Variants in GRHL3 observed in about 807,000 individuals in gnomAD.
The protein encoded by GRHL3 is grainyhead like transcription factor 3.
In GRHL3, 20 loss-of-function variants were observed where a neutral mutation model predicts 70.3. The ratio of observed to expected loss-of-function variants is 0.28; its 90% CI spans 0.20 to 0.41. The LOEUF (loss-of-function observed/expected upper bound fraction) is 0.41, where lower values mean the gene tolerates loss of function less well. GRHL3 is among the 10% of genes least tolerant of loss of function. The pLI is 1.00. For missense variants in GRHL3, 637 were observed against 762.3 expected (o/e 0.84, Z 1.94); for synonymous variants, 299 against 299.9 (o/e 1.00, Z 0.03).
downstream of GRHL3, chr1:24,358,436 G>C (rs747205320): frequency 1.0e-6 from 1 of 952,518 alleles, no homozygotes; most frequent in Non-Finnish European, 1.7e-6. Context: ...CACCCCCCAA[G>C]TTGTCAGCTG....
At position 24,334,642 on chromosome 1, in the gene GRHL3, C is replaced by A. The variant is rs200425622; in HGVS notation, c.205-3C>A. On this transcript the variant is annotated splice_region_variant and splice_polypyrimidine_tract_variant and intron_variant, in intron 2 of 15. Transcript: ENST00000361548. This position sits in a 1 kb window ranked among gnomAD's most constrained non-coding sequence, Gnocchi z 4.3. ...CATAAATCCTTCCTTTCTCTCTTCT[C>A]AGGGTCCCAAGGAGAAGCGGATATT... 3.0e-4 allele frequency: 481 copies of A among 1,609,916 alleles called. No homozygotes were observed. The highest frequency in any genetic ancestry group is 2.6e-3 in the Middle Eastern group (16 of 6,062).
chr1:24,322,602 G>A lies in GRHL3; in HGVS notation c.17+3034G>A, dbSNP rs1464773688. Among the ~76,000 whole-genome samples the A allele has an allele frequency of 6.6e-6, 1 of 152,226 alleles. No homozygotes were observed. On this transcript the variant is annotated intron_variant, in intron 1 of 15. Coordinates refer to ENST00000361548, the MANE Select transcript of GRHL3 (RefSeq NM_198173.3). The surrounding 1 kb of genome is among the most constrained non-coding windows in gnomAD (Gnocchi z 4.4). ...CCCTAACGGCGGCGGCCCGGGCGGC[G>A]CGGGGGTCCTGCGGCTCCGCCAGCT...
intron 1 of GRHL3, among the ~76,000 whole-genome samples, chr1:24,320,913 G>A (rs908019929): frequency 1.3e-5 from 2 of 152,224 alleles, no homozygotes; most frequent in Non-Finnish European, 1.5e-5. Flanking sequence ...GCCAACAGTA[G>A]TATCCACCTC....
At chr1:24,333,050 C>T (rs962667637) in intron 2 of GRHL3, among the ~76,000 whole-genome samples, 72 of 152,210 alleles carry the variant, frequency 4.7e-4, no homozygotes, top group African/African-American at 1.6e-3. Context: ...TGAGGATCGA[C>T]CATCAGATAC....
At chr1:24,329,593 C>T (rs767227811) in intron 1 of GRHL3, among the ~76,000 whole-genome samples, 1 of 152,248 alleles carries the variant, frequency 6.6e-6, no homozygotes, top group Non-Finnish European at 1.5e-5. Flanking sequence ...CTCTGCAAGA[C>T]TCAGGTTCCT....
chr1:24,355,239 T>A lies in GRHL3; in HGVS notation c.*751T>A, dbSNP rs901476579. 6.6e-6 allele frequency: 1 copy of A among 152,656 alleles called. No homozygotes were observed. Among genetic ancestry groups the A allele is most frequent in the African/African-American group, 2.4e-5 (1 of 41,452 alleles). 9.5% of individuals were successfully genotyped at this position (152,656 alleles called of 1,614,324 possible). Reference sequence around the variant, plus strand: ...TATTTCACATTTCTTGGACTTTTTTTAGCTGTTATTCAGTGATGCATTTTG... The same window carrying A: ...TATTTCACATTTCTTGGACTTTTTTAAGCTGTTATTCAGTGATGCATTTTG... On this transcript the variant is annotated 3_prime_UTR_variant, in exon 16 of 16. Transcript: ENST00000361548.
At position 24,342,809 on chromosome 1, in the gene GRHL3, G is replaced by A. The variant is rs143219816; in HGVS notation, c.1285+37G>A. On this transcript the variant is annotated intron_variant, in intron 10 of 15. Transcript: ENST00000361548. This position sits in a 1 kb window ranked among gnomAD's most constrained non-coding sequence, Gnocchi z 4.8. ...TCCAGGGCCTGGGTGGGCTCGGCTG[G>A]CGTGAAGGGGAGAAGGAGACCAGAG... The A allele has an allele frequency of 7.8e-4, 1,254 of 1,613,892 alleles. 8 individuals are homozygous for A. In the African/African-American group the frequency reaches 0.014, roughly 18 times the overall value.
At chr1:24,341,057 C>G (rs911124552) in intron 8 of GRHL3, among the ~76,000 whole-genome samples, 1 of 152,120 alleles carries the variant, frequency 6.6e-6, no homozygotes, top group Non-Finnish European at 1.5e-5. Context: ...CACACCCCCC[C>G]ACATCCTGTT....
chr1:24,328,387 T>C (rs1359420145), intron 1 of GRHL3, among the ~76,000 whole-genome samples: 3 of 152,216 alleles, frequency 2.0e-5, no homozygotes, highest in African/African-American at 4.8e-5. Flanking sequence ...GATGGCACTA[T>C]GTTTGCCAGT....
In GRHL3 at chr1:24,346,550, C is replaced by T. The variant is rs371493715; in HGVS notation, c.1455-3C>T. ...ACAAGCTCCCCCACTGCCATCCCCA[C>T]AGGCTGCCTCTGAAGCGTACCTGCT... On this transcript the variant is annotated splice_polypyrimidine_tract_variant and splice_region_variant and intron_variant, in intron 12 of 15. Coordinates refer to ENST00000361548, the MANE Select transcript of GRHL3 (RefSeq NM_198173.3). 1.9e-6 allele frequency: 3 copies of T among 1,609,416 alleles called. No homozygotes were observed. Among genetic ancestry groups the T allele is most frequent in the Non-Finnish European group, 2.6e-6 (3 of 1,176,450 alleles).
At position 24,364,296 on chromosome 1, in the gene GRHL3, G is replaced by A. The variant is rs1641311517; in HGVS notation, c.1806G>A (p.Trp602Ter). The A allele has an allele frequency of 1.4e-5, 22 of 1,549,850 alleles. No individual in the cohort carries two copies. Among genetic ancestry groups the A allele is most frequent in the Non-Finnish European group, 1.9e-5 (22 of 1,146,790 alleles). ...ACATGGGTTTTGGAGATGGATTTTG[G>A]AGGCAGAGGGACCTGGATTCAAATC... is the stretch of plus-strand genomic sequence containing the variant. Residue 602 changes from tryptophan (W) to a stop codon, truncating the protein, a stop_gained, in exon 16 of 16, where the codon TGG (tryptophan) becomes TGA (stop). Coordinates refer to the GRHL3 transcript ENST00000350501. LOFTEE classifies it low-confidence loss of function (END_TRUNC).
At position 24,321,320 on chromosome 1, in the gene GRHL3, T is replaced by C. The variant is rs116702835; in HGVS notation, c.17+1752T>C. 0.014 allele frequency among the ~76,000 whole-genome samples: 2,091 copies of C among 152,274 alleles called. 45 individuals carry two copies. Among genetic ancestry groups the C allele is most frequent in the African/African-American group, 0.046 (1,930 of 41,534 alleles). On this transcript the variant is annotated intron_variant, in intron 1 of 15. Coordinates refer to ENST00000361548, the MANE Select transcript of GRHL3 (RefSeq NM_198173.3). This position sits in a 1 kb window ranked among gnomAD's most constrained non-coding sequence, Gnocchi z 4.0. ...GGGAAGCCAGTTGCCTGCTGAGTAA[T>C]TGCAGGCGGACTCCAAGCCACCATT...
chr1:24,331,276 G>A (rs778629493), intron 1 of GRHL3, 150 bp from the exon 2 acceptor site: 2 of 645,348 alleles, frequency 3.1e-6, no homozygotes, highest in Non-Finnish European at 5.1e-6. Context: ...TGTCCATTCT[G>A]CTGCCCCACA....
rs1159009071 is a variant in GRHL3, at chr1:24,322,110, C to T, written c.17+2542C>T. Among the ~76,000 whole-genome samples, 1 of 152,050 alleles carries T rather than the reference C, an allele frequency of 6.6e-6. No individual in the cohort carries two copies. Among genetic ancestry groups the T allele is most frequent in the African/African-American group, 2.4e-5 (1 of 41,430 alleles). On this transcript the variant is annotated intron_variant, in intron 1 of 15. Coordinates refer to ENST00000361548, the MANE Select transcript of GRHL3 (RefSeq NM_198173.3). The surrounding 1 kb of genome is among the most constrained non-coding windows in gnomAD (Gnocchi z 4.4). ...CCCCTCTGGAGGGCCGGCCGGCGCTCCAGGCAGGCCCCGTTGACAGCCCAG... is the reference window on the plus strand; with the variant it reads ...CCCCTCTGGAGGGCCGGCCGGCGCTTCAGGCAGGCCCCGTTGACAGCCCAG...
chr1:24,328,916 G>C (rs991142272), intron 1 of GRHL3, among the ~76,000 whole-genome samples: 2 of 152,318 alleles, frequency 1.3e-5, no homozygotes, highest in Admixed American at 1.3e-4. Context: ...GATCAGTCAG[G>C]CATTTCCCTG....
rs1640634996 is a variant in GRHL3, at chr1:24,354,434, G to C, written c.1755G>C (p.Leu585=). Residue 585 remains leucine (L), a synonymous_variant, in exon 16 of 16, where the codon CTG becomes CTC. Transcript: ENST00000361548. ...IQHYSNHVAF[L]LDMGELDGKI... ...ATTACAGCAACCACGTCGCCTTCCTGCTGGACATGGGGGAGCTGGACGGCA... is the reference window on the plus strand; with the variant it reads ...ATTACAGCAACCACGTCGCCTTCCTCCTGGACATGGGGGAGCTGGACGGCA... The C allele has an allele frequency of 6.2e-7, 1 of 1,614,006 alleles. No individual in the cohort carries two copies. The highest frequency in any genetic ancestry group is 8.5e-7 in the Non-Finnish European group (1 of 1,179,922).
intron 3 of GRHL3, among the ~76,000 whole-genome samples, chr1:24,335,271 A>C (rs1241499444): frequency 1.3e-5 from 2 of 152,146 alleles, no homozygotes; most frequent in Non-Finnish European, 2.9e-5. Flanking sequence ...GGGTTCCCAT[A>C]CTTCTTCCCC....
At chr1:24,346,782 G>T in intron 13 of GRHL3, 141 bp downstream of exon 13, 1 of 642,234 alleles carries the variant, frequency 1.6e-6, no homozygotes. Context: ...AGACTTGGGG[G>T]TGGGGGTAAG....
rs776188255 is a variant in GRHL3, at chr1:24,319,582, G to T, written c.17+14G>T. On this transcript the variant is annotated intron_variant, in intron 1 of 15. Transcript: ENST00000361548. The stretch of plus-strand genomic sequence containing the variant: ...GAATGAACTTGAGTGAGTAAACATC[G>T]GTGGATACCTGCCGCTCTCAGAGCG... 6.2e-7 allele frequency: 1 copy of T among 1,613,818 alleles called. No homozygotes were observed. The highest frequency in any genetic ancestry group is 8.5e-7 in the Non-Finnish European group (1 of 1,179,888).
Sources: allele counts gnomAD v4.1 joint callset (sites outside exome capture counted in the v4.1 genomes callset), GRCh38; gene constraint gnomAD v4.1.1; non-coding constraint Gnocchi (gnomAD v3.1); transcripts MANE v1.5; gene names NCBI Gene and HGNC (gene_info 2026-07-23, HGNC 2026-07-21).